Variants in GPR158 observed in about 807,000 individuals in gnomAD.
The protein encoded by GPR158 is G protein-coupled receptor 158, also known as metabotropic glycine receptor.
GPR158 carries 30 observed loss-of-function variants against 78.2 expected under a neutral mutation model. The ratio of observed to expected loss-of-function variants is 0.38; its 90% CI spans 0.29 to 0.52. GPR158 has a LOEUF of 0.52. Among genes scored for constraint, GPR158 ranks in the 20% least tolerant of loss-of-function variants. GPR158 has a pLI of 0.83. For synonymous variants in GPR158, 581 were observed against 591.1 expected, an observed-to-expected ratio of 0.98 and a Z score of 0.25; for missense variants, 1,463 against 1,523.5, an observed-to-expected ratio of 0.96 and a Z score of 0.66.
intron 5 of GPR158, among the ~76,000 whole-genome samples, chr10:25,538,632 C>T (rs1268378265): frequency 2.6e-5 from 4 of 152,196 alleles, no homozygotes; most frequent in African/African-American, 7.2e-5. Context: ...TGCCCAGCTT[C>T]CCAAGCAGCT....
intron 5 of GPR158, among the ~76,000 whole-genome samples, chr10:25,539,452 A>G (rs1836544577): frequency 6.6e-6 from 1 of 152,008 alleles, no homozygotes; most frequent in Non-Finnish European, 1.5e-5. Flanking sequence ...AGCTGTGAGT[A>G]GAATCACCAC....
intron 5 of GPR158, among the ~76,000 whole-genome samples, chr10:25,539,599 T>A (rs1836547493): frequency 6.6e-6 from 1 of 151,558 alleles, no homozygotes; most frequent in Admixed American, 6.6e-5. Context: ...CAGCATAGCA[T>A]CTGCTGCCAC....
intron 2 of GPR158, among the ~76,000 whole-genome samples, chr10:25,373,546 G>T (rs1834034083): frequency 6.6e-6 from 1 of 151,764 alleles, no homozygotes; most frequent in Non-Finnish European, 1.5e-5. Context: ...TTCCTTTGTA[G>T]TATATGAATT....
At chr10:25,210,506 A>C (rs1398036008) in intron 1 of GPR158, among the ~76,000 whole-genome samples, 2 of 152,192 alleles carry the variant, frequency 1.3e-5, no homozygotes, top group Non-Finnish European at 2.9e-5. Context: ...ATAGCCTCAC[A>C]TTCCTGCCAA....
At chr10:25,582,311 A>G (rs1837213495) in intron 7 of GPR158, among the ~76,000 whole-genome samples, 1 of 152,112 alleles carries the variant, frequency 6.6e-6, no homozygotes, top group African/African-American at 2.4e-5. Flanking sequence ...CCCACTCTTT[A>G]ATGTGTATCC....
chr10:25,340,493 A>G (rs1855287340), intron 2 of GPR158, among the ~76,000 whole-genome samples: 1 of 152,072 alleles, frequency 6.6e-6, no homozygotes, highest in African/African-American at 2.4e-5. Flanking sequence ...TCATGAAGTT[A>G]AATACAGCTT....
At chr10:25,552,378 A>C (rs550361383) in intron 6 of GPR158, among the ~76,000 whole-genome samples, 7 of 152,290 alleles carry the variant, frequency 4.6e-5, no homozygotes, top group African/African-American at 1.7e-4. Flanking sequence ...GGTGCTCACC[A>C]AAGAAAAGGA....
intron 1 of GPR158, among the ~76,000 whole-genome samples, chr10:25,212,601 T>G (rs1300823349): frequency 1.3e-5 from 2 of 151,444 alleles, no homozygotes; most frequent in Non-Finnish European, 2.9e-5. Context: ...TTGTGTATTC[T>G]TACTTAACTA....
chr10:25,506,922 G>A (rs1763119583), intron 5 of GPR158, among the ~76,000 whole-genome samples: 1 of 152,212 alleles, frequency 6.6e-6, no homozygotes, highest in Admixed American at 6.5e-5. Context: ...TCACAAAGGA[G>A]TTTTGACTGT....
chr10:25,338,456 T>C (rs918222678), intron 2 of GPR158, among the ~76,000 whole-genome samples: 1 of 136,454 alleles, frequency 7.3e-6, no homozygotes, highest in African/African-American at 3.0e-5. Context: ...ACGTAATATA[T>C]ATATTACGTA....
At chr10:25,208,851 T>C (rs1853088631) in intron 1 of GPR158, among the ~76,000 whole-genome samples, 1 of 113,962 alleles carries the variant, frequency 8.8e-6, no homozygotes, top group Non-Finnish European at 1.6e-5. Flanking sequence ...TCTTTCCTTC[T>C]TTTTTTTTTT....
At chr10:25,509,317 G>A (rs901640202) in intron 5 of GPR158, among the ~76,000 whole-genome samples, 7 of 152,130 alleles carry the variant, frequency 4.6e-5, no homozygotes, top group South Asian at 4.1e-4. Flanking sequence ...GACTTCGTGC[G>A]CAGGGTTGTT....
chr10:25,302,373 C>A (rs60352386), intron 2 of GPR158, among the ~76,000 whole-genome samples: 6 of 152,074 alleles, frequency 3.9e-5, no homozygotes, highest in Non-Finnish European at 7.4e-5. Context: ...CGTGAGCCAC[C>A]GCGCCCGGCC....
chr10:25,439,892 C>T (rs1835045809), intron 4 of GPR158, among the ~76,000 whole-genome samples: 1 of 152,192 alleles, frequency 6.6e-6, no homozygotes, highest in Non-Finnish European at 1.5e-5. Context: ...AATCACGGGT[C>T]TCTAAGGCTA....
chr10:25,589,045 T>A lies in GPR158; in HGVS notation c.1792T>A (p.Tyr598Asn). Residue 598 changes from tyrosine to asparagine, a missense_variant, in exon 8 of 11, where the codon TAT becomes AAT. Transcript: ENST00000376351. The stretch of plus-strand genomic sequence containing the variant: ...CCTCTTGTGGGGTGTTTATCTCTGC[T>A]ATGCAGTGCGGACAGTCCCATCGGC... ...LFLLWGVYLC[Y>N]AVRTVPSAFH... 6.2e-7 allele frequency: 1 copy of A among 1,608,354 alleles called. No individual in the cohort carries two copies. The highest frequency in any genetic ancestry group is 8.5e-7 in the Non-Finnish European group (1 of 1,175,990).
At chr10:25,187,466 G>A (rs1448682005) in intron 1 of GPR158, among the ~76,000 whole-genome samples, 1 of 152,134 alleles carries the variant, frequency 6.6e-6, no homozygotes. Flanking sequence ...TGGGATGCAA[G>A]GCTAGTTCAA....
chr10:25,335,460 ACATGCTAATTCCAATAGTC>A (rs1855184300), intron 2 of GPR158, among the ~76,000 whole-genome samples: 1 of 152,072 alleles, frequency 6.6e-6, no homozygotes, highest in South Asian at 2.1e-4. Flanking sequence ...AAATAGCTCA[ACATGCTAATTCCAATAGTC>A]CATGGCTTTA....
intron 1 of GPR158, among the ~76,000 whole-genome samples, chr10:25,203,592 T>TTTTCATGAATGGGA (rs1852967486): frequency 6.8e-6 from 1 of 146,428 alleles, no homozygotes; most frequent in African/African-American, 2.6e-5. Context: ...CTGAGGGCTC[T>TTTTCATGAATGGGA]GTTCTGTTCC....
At chr10:25,339,364 T>C (rs1443187471) in intron 2 of GPR158, among the ~76,000 whole-genome samples, 1 of 152,118 alleles carries the variant, frequency 6.6e-6, no homozygotes, top group Non-Finnish European at 1.5e-5. Context: ...GTTGTTAGTA[T>C]ACAAAAATAA....
Sources: allele counts gnomAD v4.1 joint callset (sites outside exome capture counted in the v4.1 genomes callset), GRCh38; gene constraint gnomAD v4.1.1; transcripts MANE v1.5; gene names NCBI Gene and HGNC (gene_info 2026-07-23, HGNC 2026-07-21).